PARD3B: variants seen among roughly 807,000 people sequenced by gnomAD.
PARD3B encodes the protein partitioning defective 3 homolog B.
A neutral mutation model predicts 130.2 loss-of-function variants in PARD3B; 103 were observed. The observed-to-expected ratio is 0.79, with a 90% CI of 0.67 to 0.93. The LOEUF (loss-of-function observed/expected upper bound fraction) is 0.93. Ranked by LOEUF, PARD3B falls within the 40% of genes least tolerant of loss-of-function variation. The pLI is 0.00. For missense variants in PARD3B, 1,609 were observed against 1,499.2 expected, an observed-to-expected ratio of 1.07 and a Z score of -1.21; for synonymous variants, 583 against 553.2, an observed-to-expected ratio of 1.05 and a Z score of -0.76.
chr2:204,618,589 G>C (rs2034191386), intron 1 of PARD3B, among the ~76,000 whole-genome samples: 1 of 152,124 alleles, frequency 6.6e-6, no homozygotes, highest in East Asian at 1.9e-4. Flanking sequence ...GCATTATGAA[G>C]TCATTTATAA....
chr2:205,606,346 C>T (rs941897992), intron 22 of PARD3B, among the ~76,000 whole-genome samples: 23 of 152,192 alleles, frequency 1.5e-4, no homozygotes, highest in African/African-American at 5.1e-4. Context: ...CCTCCCTTGG[C>T]TGGAGGTGGG....
chr2:205,207,203 G>A (rs370830995), intron 15 of PARD3B, among the ~76,000 whole-genome samples: 1 of 137,238 alleles, frequency 7.3e-6, no homozygotes, highest in Non-Finnish European at 1.5e-5. Flanking sequence ...GAATCTCTGG[G>A]ACGCATTCAA....
intron 16 of PARD3B, among the ~76,000 whole-genome samples, chr2:205,270,689 A>G (rs1454291109): frequency 6.6e-6 from 1 of 152,202 alleles, no homozygotes; most frequent in African/African-American, 2.4e-5. Context: ...AGCAGGGAAG[A>G]GGAGGGAGAT....
chr2:205,034,411 T>C (rs1359333942), intron 3 of PARD3B, among the ~76,000 whole-genome samples: 2 of 152,340 alleles, frequency 1.3e-5, no homozygotes, highest in Admixed American at 1.3e-4. Context: ...TACTTGTTGA[T>C]GATTGGTCTT....
chr2:205,320,028 T>C (rs1408589111), intron 18 of PARD3B, among the ~76,000 whole-genome samples: 1 of 151,794 alleles, frequency 6.6e-6, no homozygotes, highest in African/African-American at 2.4e-5. Context: ...ATTACCCAAA[T>C]GTGGTGGCAT....
rs2039370317 is a variant in PARD3B, at chr2:205,241,904, T to C, written c.2141-3874T>C. On this transcript the variant is annotated intron_variant, in intron 15 of 22. Transcript: ENST00000406610. This position sits in a 1 kb window ranked among gnomAD's most constrained non-coding sequence, Gnocchi z 4.2. ...TTTTAATAGTAGCTCTAAGTTAATGTGAGTTATAAAGGAAGTTGGTATTAA... is the reference window on the plus strand; with the variant it reads ...TTTTAATAGTAGCTCTAAGTTAATGCGAGTTATAAAGGAAGTTGGTATTAA... Among the ~76,000 whole-genome samples, 1 of 152,202 alleles carries C rather than the reference T, an allele frequency of 6.6e-6. No homozygotes were observed. Among genetic ancestry groups the C allele is most frequent in the Non-Finnish European group, 1.5e-5 (1 of 68,026 alleles).
chr2:204,898,705 G>A (rs973161757), intron 2 of PARD3B, among the ~76,000 whole-genome samples: 6 of 152,154 alleles, frequency 3.9e-5, no homozygotes, highest in Admixed American at 1.3e-4. Context: ...TCTGTCTCAA[G>A]CTGAAAGTGG....
intron 2 of PARD3B, among the ~76,000 whole-genome samples, chr2:204,788,301 A>G (rs2042081378): frequency 6.6e-6 from 1 of 152,212 alleles, no homozygotes; most frequent in Non-Finnish European, 1.5e-5. Flanking sequence ...TCTATGGAAC[A>G]TATTCTTCCT....
chr2:205,453,400 A>G (rs766875273), intron 20 of PARD3B, among the ~76,000 whole-genome samples: 6 of 152,176 alleles, frequency 3.9e-5, no homozygotes, highest in Non-Finnish European at 7.4e-5. Context: ...CATGTTGTTA[A>G]AGGCCAGATA....
At chr2:205,057,569 G>T (rs61530157) in intron 4 of PARD3B, among the ~76,000 whole-genome samples, 1 of 130,124 alleles carries the variant, frequency 7.7e-6, no homozygotes, top group Non-Finnish European at 1.7e-5. Flanking sequence ...ATACATATAT[G>T]TATATGTGTA....
chr2:205,093,209 A>G (rs1055561242), intron 4 of PARD3B, among the ~76,000 whole-genome samples: 12 of 152,146 alleles, frequency 7.9e-5, no homozygotes, highest in Admixed American at 6.6e-5. Flanking sequence ...TATATATTCT[A>G]TTGAAAGTTA....
At chr2:204,546,673 G>A (rs969499711) in intron 1 of PARD3B, among the ~76,000 whole-genome samples, 1 of 152,178 alleles carries the variant, frequency 6.6e-6, no homozygotes, top group Admixed American at 6.5e-5. Context: ...ACAGGTGGGA[G>A]CATGCTGTTT....
At chr2:204,968,320 A>T (rs1454147654) in intron 3 of PARD3B, among the ~76,000 whole-genome samples, 1 of 152,206 alleles carries the variant, frequency 6.6e-6, no homozygotes, top group African/African-American at 2.4e-5. Flanking sequence ...TAATTTTTAT[A>T]TTTCTTTTTC....
rs116388262 is a variant in PARD3B, at chr2:204,956,356, A to G, written c.223-8796A>G. On this transcript the variant is annotated intron_variant, in intron 2 of 22. Coordinates refer to ENST00000406610, the MANE Select transcript of PARD3B (RefSeq NM_001302769.2). The stretch of plus-strand genomic sequence containing the variant: ...AATAATATTGAATATGGATGTTACA[A>G]TATTGTAAATGTATGTAGTGCTTTA... Among the ~76,000 whole-genome samples the G allele has an allele frequency of 7.6e-3, 1,164 of 152,316 alleles. 19 individuals are homozygous for G. The highest frequency in any genetic ancestry group is 0.027 in the African/African-American group (1,115 of 41,560).
chr2:205,129,901 A>G (rs1234805682), intron 10 of PARD3B, among the ~76,000 whole-genome samples: 1 of 152,138 alleles, frequency 6.6e-6, no homozygotes, highest in Non-Finnish European at 1.5e-5. Flanking sequence ...CCTGCCACCT[A>G]AAAGAACTGT....
intron 21 of PARD3B, among the ~76,000 whole-genome samples, chr2:205,514,645 A>G (rs1421284380): frequency 6.6e-6 from 1 of 152,052 alleles, no homozygotes; most frequent in East Asian, 1.9e-4. Context: ...ATATATTTAA[A>G]TGAATTTTAG....
chr2:204,827,736 A>G (rs1379744520), intron 2 of PARD3B, among the ~76,000 whole-genome samples: 1 of 152,236 alleles, frequency 6.6e-6, no homozygotes, highest in East Asian at 1.9e-4. Context: ...GTGCTTTACT[A>G]CAGTTTTGAA....
At chr2:204,789,128 C>G (rs781729516) in intron 2 of PARD3B, among the ~76,000 whole-genome samples, 3 of 152,172 alleles carry the variant, frequency 2.0e-5, no homozygotes, top group Non-Finnish European at 4.4e-5. Context: ...GCAATCATAG[C>G]TCACTGCAGC....
At chr2:204,797,262 CAACTT>C (rs2042408438) in intron 2 of PARD3B, among the ~76,000 whole-genome samples, 1 of 148,020 alleles carries the variant, frequency 6.8e-6, no homozygotes, top group Non-Finnish European at 1.5e-5. Context: ...TAATAATTAA[CAACTT>C]AGAATTATAA....
Sources: allele counts gnomAD v4.1 joint callset (sites outside exome capture counted in the v4.1 genomes callset), GRCh38; gene constraint gnomAD v4.1.1; non-coding constraint Gnocchi (gnomAD v3.1); transcripts MANE v1.5; gene names NCBI Gene and HGNC (gene_info 2026-07-23, HGNC 2026-07-21).